ZFY: variants seen among roughly 807,000 people sequenced by gnomAD.
The protein encoded by ZFY is zinc finger protein Y-linked.
For missense variants in ZFY, 113 were observed against 170.9 expected, an observed-to-expected ratio of 0.66 and a Z score of 1.89; for synonymous variants, 47 against 55.8, an observed-to-expected ratio of 0.84 and a Z score of 0.71.
chrY:2,972,306 A>G (rs965955432), intron 3 of ZFY, among the ~76,000 whole-genome samples: 2 of 33,284 alleles, frequency 6.0e-5, no homozygotes, highest in Non-Finnish European at 7.4e-5. Flanking sequence ...CAGTGTTTCA[A>G]GTTCTCATAT....
chrY:2,947,364 C>T (rs2051265060), intron 1 of ZFY, among the ~76,000 whole-genome samples: 1 of 33,694 alleles, frequency 3.0e-5, no homozygotes. Context: ...TTCATTGAAA[C>T]GCACTGCATG....
Position 2,961,064 on chromosome Y carries a change from A to G in ZFY, c.62-10A>G. ...CCTGAGATTTGTCATTTTAATTTTT[A>G]TTCTTTAAGGAGCTGATGCTACACA... On this transcript the variant is annotated splice_polypyrimidine_tract_variant and intron_variant, in intron 2 of 7. Coordinates refer to ENST00000155093, the MANE Select transcript of ZFY (RefSeq NM_003411.4). 1 of 391,311 alleles carries G rather than the reference A, an allele frequency of 2.6e-6. No homozygotes were observed. Among genetic ancestry groups the G allele is most frequent in the Non-Finnish European group, 3.6e-6 (1 of 276,834 alleles).
At chrY:2,937,377 A>G in intron 1 of ZFY, among the ~76,000 whole-genome samples, 1 of 29,088 alleles carries the variant, frequency 3.4e-5, no homozygotes, top group African/African-American at 1.4e-4. Flanking sequence ...AAAACTAGCA[A>G]GGCATGACGG....
intron 1 of ZFY, among the ~76,000 whole-genome samples, chrY:2,945,157 A>T: frequency 1.5e-4 from 5 of 32,866 alleles, no homozygotes; most frequent in Non-Finnish European, 3.0e-4. Context: ...ATGTCCTAGA[A>T]ATATGTTTAT....
intron 1 of ZFY, among the ~76,000 whole-genome samples, chrY:2,952,963 G>A: frequency 3.0e-5 from 1 of 33,223 alleles, no homozygotes; most frequent in Non-Finnish European, 7.4e-5. Context: ...TTAATTTACT[G>A]TAGAAAGACT....
At chrY:2,974,175 ATTTATT>A (rs2051358701) in intron 3 of ZFY, among the ~76,000 whole-genome samples, 9 of 29,305 alleles carry the variant, frequency 3.1e-4, no homozygotes, top group African/African-American at 1.1e-3. Flanking sequence ...CTATTTATTT[ATTTATT>A]TATTTATTTA....
chrY:2,940,389 G>A, intron 1 of ZFY, among the ~76,000 whole-genome samples: 2 of 33,224 alleles, frequency 6.0e-5, no homozygotes, highest in Non-Finnish European at 1.5e-4. Flanking sequence ...CTACGTCAAT[G>A]GCTTTAAAAA....
chrY:2,955,871 G>T (rs2051291624), intron 2 of ZFY, among the ~76,000 whole-genome samples: 1 of 33,257 alleles, frequency 3.0e-5, no homozygotes, highest in African/African-American at 1.2e-4. Flanking sequence ...TAGAGGTGTT[G>T]GGTATGTGTA....
At chrY:2,955,432 C>G in intron 2 of ZFY, among the ~76,000 whole-genome samples, 1 of 33,927 alleles carries the variant, frequency 2.9e-5, no homozygotes, top group African/African-American at 1.1e-4. Context: ...AGTGGTAGGA[C>G]AGTTTGGGAT....
At chrY:2,973,962 C>CT (rs1375101314) in intron 3 of ZFY, among the ~76,000 whole-genome samples, 3 of 23,452 alleles carry the variant, frequency 1.3e-4, no homozygotes, top group Non-Finnish European at 3.0e-4. Flanking sequence ...AGTAAGGATT[C>CT]TTTTTTTTTT....
rs2051398380 is a variant in ZFY at position 2,981,113 on chromosome Y, C to A, written c.*1120C>A. On this transcript the variant is annotated 3_prime_UTR_variant, in exon 8 of 8. Transcript: ENST00000155093. ...CAGACATAGATTTCATAGTATTTTT[C>A]TGAGAATCCTGTGAAGGAACGCTGT... The A allele has an allele frequency of 6.1e-5, 2 of 32,984 alleles. No homozygotes were observed. The highest frequency in any genetic ancestry group is 5.6e-4 in the Admixed American group (2 of 3,560). 8.2% of individuals were successfully genotyped at this position (32,984 alleles called of 400,897 possible).
At chrY:2,958,004 C>T (rs1010915501) in intron 2 of ZFY, among the ~76,000 whole-genome samples, 1 of 33,487 alleles carries the variant, frequency 3.0e-5, no homozygotes, top group African/African-American at 1.2e-4. Flanking sequence ...TTGACAAAAT[C>T]TGTGTTGTTT....
At chrY:2,963,583 A>C (rs2051317581) in intron 3 of ZFY, among the ~76,000 whole-genome samples, 1 of 33,422 alleles carries the variant, frequency 3.0e-5, no homozygotes, top group Non-Finnish European at 7.4e-5. Flanking sequence ...TCTCATCCAA[A>C]GGGCATCTAG....
chrY:2,954,873 T>G (rs1006912931), intron 2 of ZFY, among the ~76,000 whole-genome samples: 489 of 32,570 alleles, frequency 0.015, no homozygotes, highest in Non-Finnish European at 0.031. Context: ...CCAGGGCCAT[T>G]TTTTGCTTTC....
intron 3 of ZFY, among the ~76,000 whole-genome samples, chrY:2,967,945 C>CTA (rs2051334348): frequency 3.0e-5 from 1 of 33,176 alleles, no homozygotes; most frequent in Admixed American, 2.8e-4. Context: ...ATACTCAATG[C>CTA]TATACACAGT....
At chrY:2,976,902 C>T in intron 6 of ZFY, 80 bp downstream of exon 6, 4 of 270,325 alleles carry the variant, frequency 1.5e-5, no homozygotes, top group East Asian at 1.2e-4. Flanking sequence ...GTTGGCCAGG[C>T]GTGGTGGCTC....
chrY:2,950,928 G>A (rs923292716), intron 1 of ZFY, among the ~76,000 whole-genome samples: 1 of 33,490 alleles, frequency 3.0e-5, no homozygotes, highest in African/African-American at 1.2e-4. Flanking sequence ...CCAGAATTTA[G>A]CTATCTGTGG....
intron 6 of ZFY, among the ~76,000 whole-genome samples, chrY:2,977,218 AG>A (rs1247853824): frequency 4.4e-5 from 1 of 22,551 alleles, no homozygotes; most frequent in Non-Finnish European, 1.0e-4. Flanking sequence ...AAAAAAAAAA[AG>A]GGTTTTTTTT....
At chrY:2,955,358 T>G in intron 2 of ZFY, among the ~76,000 whole-genome samples, 1 of 33,737 alleles carries the variant, frequency 3.0e-5, no homozygotes, top group Non-Finnish European at 7.4e-5. Context: ...GCTTATTCTC[T>G]GGGTATCAGT....
Sources: gnomAD v4.1 joint callset for allele counts (sites outside exome capture counted in the v4.1 genomes callset) on GRCh38, gnomAD v4.1.1 for gene constraint, MANE v1.5 for transcripts, NCBI Gene and HGNC (gene_info 2026-07-23, HGNC 2026-07-21) for gene names.